FGD1: variants seen among roughly 807,000 people sequenced by gnomAD.
FGD1 encodes the protein FYVE, RhoGEF and PH domain-containing protein 1.
Under a neutral mutation model 65.0 loss-of-function variants are expected in FGD1, and 12 were observed. The ratio of observed to expected loss-of-function variants is 0.18; its 90% CI spans 0.12 to 0.30. The LOEUF (loss-of-function observed/expected upper bound fraction) is 0.30, where lower values mean the gene tolerates loss of function less well. Among genes scored for constraint, FGD1 ranks in the 10% least tolerant of loss-of-function variants. The pLI is 1.00. For missense variants in FGD1, 542 were observed against 837.6 expected (o/e 0.65, Z 4.36); for synonymous variants, 333 against 343.9 (o/e 0.97, Z 0.35).
intron 12 of FGD1, among the ~76,000 whole-genome samples, chrX:54,450,657 TGGG>T (rs2147424054): frequency 9.0e-6 from 1 of 111,012 alleles, no homozygotes; most frequent in Admixed American, 9.7e-5. Flanking sequence ...GTCTGAAGTT[TGGG>T]TGAGGACTTT....
chrX:54,485,799 G>A (rs1453515746), intron 1 of FGD1, among the ~76,000 whole-genome samples: 5 of 106,883 alleles, frequency 4.7e-5, no homozygotes, highest in African/African-American at 1.7e-4. Context: ...TTTTTGAGAT[G>A]GAGTCTCGCT....
chrX:54,484,098 A>ACGATCCAGC (rs1601959994), intron 1 of FGD1, among the ~76,000 whole-genome samples: 1 of 111,707 alleles, frequency 9.0e-6, no homozygotes. Context: ...TCCCCGCCCC[A>ACGATCCAGC]CGATCCAGCC....
At chrX:54,486,583 G>A (rs1214206993) in intron 1 of FGD1, among the ~76,000 whole-genome samples, 6 of 110,688 alleles carry the variant, frequency 5.4e-5, no homozygotes, top group African/African-American at 1.6e-4. Context: ...ATTACGCCAT[G>A]TTAGCCAGGC....
chrX:54,488,233 G>A (rs1427230585), intron 1 of FGD1, among the ~76,000 whole-genome samples: 1 of 77,691 alleles, frequency 1.3e-5, no homozygotes, highest in Non-Finnish European at 2.3e-5. Context: ...TCATGCCACT[G>A]CACTTCAGCC....
chrX:54,492,040 C>T (rs984068147), intron 1 of FGD1, among the ~76,000 whole-genome samples: 4 of 110,872 alleles, frequency 3.6e-5, no homozygotes, highest in South Asian at 3.8e-4. Context: ...AGGCCTCAAC[C>T]CTGAGGAATA....
At chrX:54,466,207 G>C (rs1019399790) in intron 6 of FGD1, among the ~76,000 whole-genome samples, 1 of 111,906 alleles carries the variant, frequency 8.9e-6, no homozygotes, top group Non-Finnish European at 1.9e-5. Flanking sequence ...TTTGAGCCCT[G>C]AGAGGGTCAC....
chrX:54,491,122 A>G (rs1324755090), intron 1 of FGD1, among the ~76,000 whole-genome samples: 1 of 110,908 alleles, frequency 9.0e-6, no homozygotes. Flanking sequence ...TCCTCCCAAT[A>G]CCAGCCCTAT....
Position 54,495,420 on chromosome X carries a change from G to T in FGD1, c.13C>A (p.Arg5=). The change falls in exon 1 of 18, where the codon CGA becomes AGA. Residue 5 remains arginine, a synonymous_variant. Transcript: ENST00000375135. The stretch of plus-strand genomic sequence containing the variant: ...GAAGGCCCGGCGCCCCCCGGGGCTC[G>T]GTGGCCATGCATGGTCCGGGCCTGG... MHGH[R]APGGAGPSEP... is the part of the protein sequence containing the mutation. 1 of 1,091,519 alleles carries T rather than the reference G, an allele frequency of 9.2e-7. No homozygotes were observed. Among genetic ancestry groups the T allele is most frequent in the Non-Finnish European group, 1.2e-6 (1 of 844,607 alleles). 90.0% of individuals were successfully genotyped at this position (1,091,519 alleles called of 1,213,427 possible).
At chrX:54,465,159 A>G (rs1322262342) in intron 8 of FGD1, among the ~76,000 whole-genome samples, 1 of 106,604 alleles carries the variant, frequency 9.4e-6, no homozygotes, top group African/African-American at 3.4e-5. Flanking sequence ...TGGGAAGTTC[A>G]GGTTGGGGAT....
intron 1 of FGD1, among the ~76,000 whole-genome samples, chrX:54,486,989 A>T (rs1279459964): frequency 3.9e-5 from 4 of 103,606 alleles, no homozygotes; most frequent in Non-Finnish European, 7.9e-5. Context: ...AGACTCCGTC[A>T]AAAAGCAAAA....
chrX:54,466,105 C>T (rs1258509349), intron 6 of FGD1, among the ~76,000 whole-genome samples: 1 of 112,049 alleles, frequency 8.9e-6, no homozygotes, highest in Non-Finnish European at 1.9e-5. Context: ...TTGAAGTACT[C>T]ACCCTGAGAC....
chrX:54,481,655 G>A lies in FGD1; in HGVS notation c.308-10168C>T, dbSNP rs1182066557. 2.8e-5 allele frequency among the ~76,000 whole-genome samples: 3 copies of A among 105,743 alleles called. No individual in the cohort carries two copies. In the East Asian group the frequency reaches 9.0e-4, roughly 32 times the overall value. The allele number at this position is 105,743 out of a possible 115,157, so 91.8% of individuals were successfully genotyped here. A position where few individuals can be genotyped will look rare whatever the true frequency, so the allele number is the denominator to read the frequency against. The stretch of plus-strand genomic sequence containing the variant: ...AAAGAAATCACATTTGGAGGGGGGA[G>A]GAGAGAAGACTTCCTAAAGGAGGTG... On this transcript the variant is annotated intron_variant, in intron 1 of 17. Transcript: ENST00000375135.
chrX:54,449,598 G>A (rs922736654), intron 14 of FGD1, 61 bp downstream of exon 14: 3 of 770,491 alleles, frequency 3.9e-6, no homozygotes, highest in Non-Finnish European at 6.0e-6. Flanking sequence ...TAAAGGTCAG[G>A]TGGGCATTTG....
chrX:54,482,729 G>A (rs996382519), intron 1 of FGD1, among the ~76,000 whole-genome samples: 1 of 111,695 alleles, frequency 9.0e-6, no homozygotes, highest in Non-Finnish European at 1.9e-5. Flanking sequence ...CAAACACAAG[G>A]AGGGAGAGGA....
At chrX:54,486,859 C>T (rs757497234) in intron 1 of FGD1, among the ~76,000 whole-genome samples, 13 of 105,937 alleles carry the variant, frequency 1.2e-4, no homozygotes, top group Admixed American at 2.0e-4. Context: ...TGGTGGTGTG[C>T]GCCTGTAATC....
intron 14 of FGD1, 109 bp from the exon 15 acceptor site, chrX:54,449,377 G>A (rs762340312): frequency 1.0e-5 from 10 of 986,866 alleles, no homozygotes; most frequent in African/African-American, 1.9e-5. Context: ...GGGATGGGCT[G>A]GGGGTAGGGG....
chrX:54,474,470 C>A (rs1320768776), intron 1 of FGD1, among the ~76,000 whole-genome samples: 2 of 112,827 alleles, frequency 1.8e-5, no homozygotes, highest in Non-Finnish European at 3.8e-5. Context: ...CCTTTCCCAG[C>A]ACTGAGGGAA....
rs187987189 is a variant in FGD1 at position 54,477,708 on chromosome X, C to T, written c.308-6221G>A. ...CCTCCCAAGGTGCTGTGATTACAGG[C>T]GTAAGCCACCATGCCCGGCCACTCA... On this transcript the variant is annotated intron_variant, in intron 1 of 17. Transcript: ENST00000375135. Among the ~76,000 whole-genome samples, 306 of 110,786 alleles carry T rather than the reference C, an allele frequency of 2.8e-3. 3 individuals are homozygous for T. Among genetic ancestry groups the T allele is most frequent in the Non-Finnish European group, 5.2e-3 (277 of 52,935 alleles).
chrX:54,449,032 C>T (rs1922312165), intron 15 of FGD1, 65 bp from the exon 16 acceptor site: 1 of 1,201,519 alleles, frequency 8.3e-7, no homozygotes, highest in Admixed American at 2.2e-5. Context: ...ATACCAACTC[C>T]CACAGCAGAC....
Sources: gnomAD v4.1 joint callset for allele counts (sites outside exome capture counted in the v4.1 genomes callset) on GRCh38, gnomAD v4.1.1 for gene constraint, MANE v1.5 for transcripts, NCBI Gene and HGNC (gene_info 2026-07-23, HGNC 2026-07-21) for gene names.